PHKA1: variants seen among roughly 807,000 people sequenced by gnomAD.
PHKA1 encodes the protein phosphorylase b kinase regulatory subunit alpha, skeletal muscle isoform.
Under a neutral mutation model 110.2 loss-of-function variants are expected in PHKA1, and 60 were observed. The ratio of observed to expected loss-of-function variants is 0.54; its 90% CI spans 0.44 to 0.68. PHKA1 has a LOEUF of 0.68. PHKA1 is among the 30% of genes least tolerant of loss of function. The probability of loss-of-function intolerance (pLI) is 0.00; values close to 1 mark genes in which losing one functional copy is unlikely to be tolerated. For missense variants in PHKA1, 801 were observed against 942.5 expected, an observed-to-expected ratio of 0.85 and a Z score of 1.97; for synonymous variants, 316 against 333.6, an observed-to-expected ratio of 0.95 and a Z score of 0.58.
chrX:72,583,435 C>T lies in PHKA1; in HGVS notation c.3297+814G>A, dbSNP rs192391905. Among the ~76,000 whole-genome samples the T allele has an allele frequency of 5.9e-3, 655 of 111,643 alleles. 5 individuals carry two copies. Among genetic ancestry groups the T allele is most frequent in the African/African-American group, 0.02 (631 of 30,791 alleles). ...TAATTATATGAACATTTCACTCTTG[C>T]GTAAAGGTAGAGAAAAGACAAATGG... On this transcript the variant is annotated intron_variant, in intron 30 of 31. Coordinates refer to ENST00000373542, the MANE Select transcript of PHKA1 (RefSeq NM_002637.4).
intron 8 of PHKA1, among the ~76,000 whole-genome samples, chrX:72,663,213 C>A (rs781877659): frequency 6.4e-5 from 7 of 109,528 alleles, no homozygotes; most frequent in African/African-American, 2.3e-4. Context: ...CAAACTTTAA[C>A]GCAGAAGAAT....
At position 72,602,205 on chromosome X, in the gene PHKA1, T is replaced by C; in HGVS notation, c.2986A>G (p.Lys996Glu). 1 of 1,207,477 alleles carries C rather than the reference T, an allele frequency of 8.3e-7. No individual in the cohort carries two copies. The highest frequency in any genetic ancestry group is 1.1e-6 in the Non-Finnish European group (1 of 891,763). The change falls in exon 27 of 32, where the codon AAA becomes GAA. Residue 996 changes from lysine to glutamate, a missense_variant. This residue lies in a region of PHKA1 where 502 missense variants were observed against 519.2 expected (regional missense o/e 0.97). Coordinates refer to ENST00000373542, the MANE Select transcript of PHKA1 (RefSeq NM_002637.4). ...IHEIGAVGAT[K>E]TERTGIMQLK... Reference sequence around the variant, plus strand: ...TGCATGATCCCAGTTCGTTCTGTTTTGGTTGCTCCAACAGCACCAATCTCG... The same window carrying C: ...TGCATGATCCCAGTTCGTTCTGTTTCGGTTGCTCCAACAGCACCAATCTCG...
At chrX:72,614,946 T>C (rs944183324) in intron 21 of PHKA1, among the ~76,000 whole-genome samples, 1 of 108,525 alleles carries the variant, frequency 9.2e-6, no homozygotes, top group Non-Finnish European at 1.9e-5. Flanking sequence ...TAAATTCTAC[T>C]CCAAATAAGA....
chrX:72,605,317 G>A lies in PHKA1; in HGVS notation c.2769C>T (p.Ile923=). The change falls in exon 25 of 32, where the codon ATC becomes ATT. Residue 923 remains isoleucine (I), a synonymous_variant. Coordinates refer to ENST00000373542, the MANE Select transcript of PHKA1 (RefSeq NM_002637.4). ...AEMFRLRIGL[I]IQVMATELAH... ...CCAGTTCTGTTGCCATAACTTGTAT[G>A]ATCAGACCAATTCGAAGTCGAAACA... 8.3e-7 allele frequency: 1 copy of A among 1,205,232 alleles called. No homozygotes were observed. Among genetic ancestry groups the A allele is most frequent in the Non-Finnish European group, 1.1e-6 (1 of 889,576 alleles).
chrX:72,651,297 G>T (rs1556298958), intron 12 of PHKA1, among the ~76,000 whole-genome samples: 1 of 111,393 alleles, frequency 9.0e-6, no homozygotes, highest in African/African-American at 3.3e-5. Flanking sequence ...AGCACTTTGG[G>T]AGGCTGAGGA....
intron 5 of PHKA1, among the ~76,000 whole-genome samples, chrX:72,678,039 C>T (rs1268462286): frequency 9.0e-6 from 1 of 111,413 alleles, no homozygotes; most frequent in Non-Finnish European, 1.9e-5. Flanking sequence ...CAAAGAGAGG[C>T]CCTGTCTCAA....
intron 14 of PHKA1, among the ~76,000 whole-genome samples, chrX:72,638,462 A>G (rs1257448393): frequency 9.2e-6 from 1 of 108,482 alleles, no homozygotes; most frequent in African/African-American, 3.4e-5. Context: ...TTATTAATTT[A>G]CCAATTAATA....
intron 22 of PHKA1, among the ~76,000 whole-genome samples, chrX:72,610,757 C>T (rs2147691071): frequency 9.0e-6 from 1 of 111,355 alleles, no homozygotes; most frequent in Non-Finnish European, 1.9e-5. Context: ...ATGGATGTTT[C>T]CCTTTCTAGG....
chrX:72,677,079 C>T (rs1424316673), intron 5 of PHKA1, among the ~76,000 whole-genome samples: 4 of 112,125 alleles, frequency 3.6e-5, no homozygotes, highest in African/African-American at 9.7e-5. Context: ...GTGACAGTTC[C>T]TCAAGTCTTG....
At chrX:72,594,987 T>A (rs1222145115) in intron 28 of PHKA1, among the ~76,000 whole-genome samples, 3 of 111,744 alleles carry the variant, frequency 2.7e-5, no homozygotes, top group African/African-American at 9.8e-5. Flanking sequence ...CAGACAAAGA[T>A]GTCACCAGAA....
At chrX:72,713,304 T>C (rs782386641) in intron 1 of PHKA1, among the ~76,000 whole-genome samples, 71 of 111,254 alleles carry the variant, frequency 6.4e-4, no homozygotes, top group Non-Finnish European at 8.7e-4. Flanking sequence ...ATTTCAAGTA[T>C]ACAGTACAGT....
chrX:72,594,807 A>T (rs183732789), intron 28 of PHKA1, among the ~76,000 whole-genome samples: 74 of 112,337 alleles, frequency 6.6e-4, no homozygotes, highest in African/African-American at 2.3e-3. Flanking sequence ...AAACAAATAA[A>T]CAAACGTTCC....
At chrX:72,607,289 G>T (rs1383548410) in intron 23 of PHKA1, among the ~76,000 whole-genome samples, 1 of 111,348 alleles carries the variant, frequency 9.0e-6, no homozygotes, top group Admixed American at 9.5e-5. Context: ...CTTTTTTCAG[G>T]AACCTCCAAA....
intron 3 of PHKA1, among the ~76,000 whole-genome samples, chrX:72,696,612 A>G (rs1556327529): frequency 8.9e-6 from 1 of 111,853 alleles, no homozygotes; most frequent in East Asian, 2.8e-4. Flanking sequence ...TTCTGAACTA[A>G]TGTACTTCTT....
chrX:72,671,883 T>G (rs1050897010), intron 6 of PHKA1, among the ~76,000 whole-genome samples: 2 of 111,810 alleles, frequency 1.8e-5, no homozygotes, highest in Admixed American at 1.9e-4. Flanking sequence ...TGGCTAGCCA[T>G]ATGTAGAAAG....
chrX:72,633,174 A>C (rs146936701), intron 16 of PHKA1, among the ~76,000 whole-genome samples: 227 of 111,822 alleles, frequency 2.0e-3, no homozygotes, highest in African/African-American at 6.9e-3. Flanking sequence ...TATGATCTGA[A>C]TGTGCCCCCA....
At chrX:72,705,093 A>G (rs2054262102) in intron 3 of PHKA1, 105 bp downstream of exon 3, 2 of 653,284 alleles carry the variant, frequency 3.1e-6, no homozygotes, top group East Asian at 4.0e-5. Context: ...AGTGTGTACT[A>G]TTTGTGAAAC....
chrX:72,607,106 C>A (rs2052739819), intron 23 of PHKA1, among the ~76,000 whole-genome samples: 2 of 111,431 alleles, frequency 1.8e-5, no homozygotes, highest in Admixed American at 9.5e-5. Context: ...ACCATATTTT[C>A]TTGATCTATT....
chrX:72,635,964 T>C (rs782820833), intron 15 of PHKA1, among the ~76,000 whole-genome samples: 34 of 112,051 alleles, frequency 3.0e-4, no homozygotes, highest in Non-Finnish European at 4.9e-4. Flanking sequence ...TTGTATTTTG[T>C]TTATAAAGGA....
Sources: gnomAD v4.1 joint callset for allele counts (sites outside exome capture counted in the v4.1 genomes callset) on GRCh38, gnomAD v4.1.1 for gene constraint, gnomAD v4.1.1 regional missense constraint, MANE v1.5 for transcripts, NCBI Gene and HGNC (gene_info 2026-07-23, HGNC 2026-07-21) for gene names.